HNF4G: variants seen among roughly 807,000 people sequenced by gnomAD.
The protein encoded by HNF4G is hepatocyte nuclear factor 4 gamma.
Under a neutral mutation model 50.9 loss-of-function variants are expected in HNF4G, and 21 were observed. The observed-to-expected ratio is 0.41, with a 90% CI of 0.29 to 0.59. The LOEUF (loss-of-function observed/expected upper bound fraction) is 0.59. HNF4G is among the 20% of genes least tolerant of loss of function. HNF4G has a pLI of 0.26. For synonymous variants in HNF4G, 198 were observed against 185.6 expected, an observed-to-expected ratio of 1.07 and a Z score of -0.54; for missense variants, 527 against 559.4, an observed-to-expected ratio of 0.94 and a Z score of 0.58.
chr8:75,483,051 G>A (rs1056741571), intron 1 of HNF4G, among the ~76,000 whole-genome samples: 5 of 152,258 alleles, frequency 3.3e-5, no homozygotes, highest in African/African-American at 1.2e-4. Context: ...TAAACTCAAT[G>A]ACATGTGAAC....
intron 2 of HNF4G, among the ~76,000 whole-genome samples, chr8:75,525,134 T>C (rs1806144214): frequency 6.6e-6 from 1 of 152,154 alleles, no homozygotes; most frequent in African/African-American, 2.4e-5. Flanking sequence ...GAGTTGTCAC[T>C]GTCTTGGCAG....
chr8:75,488,394 C>G, intron 1 of HNF4G, among the ~76,000 whole-genome samples: 1 of 152,096 alleles, frequency 6.6e-6, no homozygotes, highest in East Asian at 1.9e-4. Context: ...CTGCCTCAGC[C>G]TCCTGAGTTG....
At chr8:75,489,444 G>C (rs1160914511) in intron 1 of HNF4G, among the ~76,000 whole-genome samples, 1 of 152,132 alleles carries the variant, frequency 6.6e-6, no homozygotes, top group African/African-American at 2.4e-5. Context: ...TTAAAAAACT[G>C]AAGTCACATA....
At chr8:75,549,563 T>TC (rs779669440) in intron 3 of HNF4G, among the ~76,000 whole-genome samples, 3 of 151,374 alleles carry the variant, frequency 2.0e-5, no homozygotes, top group Non-Finnish European at 3.0e-5. Context: ...TTTTTTTTTT[T>TC]CACAAAGAAG....
intron 1 of HNF4G, among the ~76,000 whole-genome samples, chr8:75,423,555 A>T (rs1563500251): frequency 1.3e-5 from 2 of 150,598 alleles, no homozygotes; most frequent in African/African-American, 4.9e-5. Flanking sequence ...CGCCTGGCTA[A>T]TTTTTTTTGT....
intron 2 of HNF4G, among the ~76,000 whole-genome samples, chr8:75,494,308 A>G (rs925100613): frequency 5.0e-4 from 38 of 76,314 alleles, no homozygotes; most frequent in Non-Finnish European, 8.3e-4. Flanking sequence ...CAGCACACAC[A>G]CACACACACA....
chr8:75,485,102 T>C (rs540974117), intron 1 of HNF4G, among the ~76,000 whole-genome samples: 34 of 152,342 alleles, frequency 2.2e-4, no homozygotes, highest in Admixed American at 2.2e-3. Flanking sequence ...ATCTTTATAT[T>C]AATTTGTTAA....
intron 2 of HNF4G, among the ~76,000 whole-genome samples, chr8:75,510,104 T>C (rs1007733797): frequency 6.6e-6 from 1 of 152,144 alleles, no homozygotes; most frequent in Non-Finnish European, 1.5e-5. Flanking sequence ...AAGGCAGTGA[T>C]ATTGATTATC....
At position 75,491,544 on chromosome 8, in the gene HNF4G, C is replaced by T. The variant is rs558637883; in HGVS notation, c.-24+1336C>T. On this transcript the variant is annotated intron_variant, in intron 2 of 10. Transcript: ENST00000354370. ...GGCTGGAGTGTAGTGGTGCGATCTC[C>T]GCTCACTGCAACCTCTGCCTCCTGG... Among the ~76,000 whole-genome samples, 108 of 151,750 alleles carry T rather than the reference C, an allele frequency of 7.1e-4. 1 individual carries two copies. The highest frequency in any genetic ancestry group is 1.4e-3 in the Non-Finnish European group (94 of 67,912).
At chr8:75,532,322 C>T (rs1203172343) in intron 2 of HNF4G, among the ~76,000 whole-genome samples, 4 of 150,644 alleles carry the variant, frequency 2.7e-5, no homozygotes, top group Non-Finnish European at 5.9e-5. Context: ...TTTTTCTTTC[C>T]CTATTGTAAA....
intron 1 of HNF4G, among the ~76,000 whole-genome samples, chr8:75,434,593 C>T (rs770018420): frequency 1.3e-4 from 20 of 150,650 alleles, no homozygotes; most frequent in African/African-American, 3.2e-4. Context: ...AATACAATAG[C>T]GAATGAAAAA....
intron 1 of HNF4G, among the ~76,000 whole-genome samples, chr8:75,441,790 A>C (rs902356711): frequency 5.3e-5 from 8 of 152,210 alleles, no homozygotes; most frequent in African/African-American, 1.9e-4. Context: ...TGTAGCAAAC[A>C]ATCAGCGAAC....
intron 2 of HNF4G, among the ~76,000 whole-genome samples, chr8:75,530,567 T>C (rs190808020): frequency 1.2e-4 from 19 of 152,120 alleles, no homozygotes; most frequent in Non-Finnish European, 1.9e-4. Context: ...ATAATAAAGA[T>C]TTAGGGTAAC....
intron 1 of HNF4G, among the ~76,000 whole-genome samples, chr8:75,449,502 T>TA (rs1416762573): frequency 1.4e-5 from 1 of 73,232 alleles, no homozygotes; most frequent in African/African-American, 9.4e-5. Context: ...TATATATATA[T>TA]TTTTTTCTTT....
At chr8:75,441,286 C>T (rs1458227311) in intron 1 of HNF4G, among the ~76,000 whole-genome samples, 2 of 150,506 alleles carry the variant, frequency 1.3e-5, no homozygotes, top group Admixed American at 1.3e-4. Context: ...TTCAATGTCA[C>T]CCAGGCTAAA....
At position 75,560,583 on chromosome 8, in the gene HNF4G, A is replaced by G. The variant is rs1242028351; in HGVS notation, c.1246+117A>G. The G allele has an allele frequency of 9.6e-6, 8 of 834,506 alleles. No individual in the cohort carries two copies. In the Admixed American group the frequency reaches 1.7e-4, roughly 18 times the overall value. The allele number at this position is 834,506 out of a possible 1,614,324, so 51.7% of individuals were successfully genotyped here. A position where few individuals can be genotyped will look rare whatever the true frequency, so the allele number is the denominator to read the frequency against. ...TGGCAAAAACTTGGTGTAATTTCCC[A>G]TCTGAGACTCAGCAGTAGAAGACTG... On this transcript the variant is annotated intron_variant, in intron 9 of 9. Transcript: ENST00000396423.
At chr8:75,427,821 T>A (rs944885703) in intron 1 of HNF4G, among the ~76,000 whole-genome samples, 1 of 152,084 alleles carries the variant, frequency 6.6e-6, no homozygotes. Flanking sequence ...GTTATGTGTA[T>A]TATATCAAAT....
chr8:75,431,593 C>T (rs898401759), intron 1 of HNF4G, among the ~76,000 whole-genome samples: 2 of 151,970 alleles, frequency 1.3e-5, no homozygotes, highest in Admixed American at 1.3e-4. Flanking sequence ...CAAACAAAAT[C>T]CCACTTCTGT....
At chr8:75,553,631 C>T (rs1807031780) in intron 5 of HNF4G, among the ~76,000 whole-genome samples, 1 of 151,994 alleles carries the variant, frequency 6.6e-6, no homozygotes, top group African/African-American at 2.4e-5. Flanking sequence ...ACAGAAACCA[C>T]ACAGGTTGTG....
Sources: gnomAD v4.1 joint callset for allele counts (sites outside exome capture counted in the v4.1 genomes callset) on GRCh38, gnomAD v4.1.1 for gene constraint, MANE v1.5 for transcripts, NCBI Gene and HGNC (gene_info 2026-07-23, HGNC 2026-07-21) for gene names.